Variants in FMN1 observed in about 807,000 individuals in gnomAD.
FMN1 encodes the protein formin-1.
FMN1 carries 110 observed loss-of-function variants against 132.4 expected under a neutral mutation model. The ratio of observed to expected loss-of-function variants is 0.83; its 90% CI spans 0.71 to 0.97. FMN1 has a LOEUF of 0.97. Ranked by LOEUF, FMN1 falls within the 50% of genes least tolerant of loss-of-function variation. The pLI, the probability that FMN1 is intolerant of heterozygous loss-of-function variation, is 0.00. For synonymous variants in FMN1, 722 were observed against 651.7 expected (o/e 1.11, Z -1.64); for missense variants, 1,792 against 1,705.3 (o/e 1.05, Z -0.90).
chr15:32,993,712 T>C (rs559015210), intron 7 of FMN1, among the ~76,000 whole-genome samples: 12 of 152,286 alleles, frequency 7.9e-5, no homozygotes, highest in Non-Finnish European at 1.2e-4. Flanking sequence ...ACAGTTTTCA[T>C]GGTTCCAGTT....
At chr15:32,961,653 A>G (rs897695824) in intron 9 of FMN1, among the ~76,000 whole-genome samples, 13 of 152,210 alleles carry the variant, frequency 8.5e-5, no homozygotes, top group African/African-American at 3.1e-4. Flanking sequence ...AGCAGCTGTC[A>G]TATGTTGAGC....
intron 6 of FMN1, among the ~76,000 whole-genome samples, chr15:33,030,184 C>T (rs890102893): frequency 6.6e-6 from 1 of 152,000 alleles, no homozygotes. Flanking sequence ...AAAACTAAAA[C>T]TGTGTTAAGT....
intron 9 of FMN1, among the ~76,000 whole-genome samples, chr15:32,943,688 A>G (rs1250217482): frequency 6.6e-6 from 1 of 152,204 alleles, no homozygotes; most frequent in Non-Finnish European, 1.5e-5. Flanking sequence ...TTTAGTTTGA[A>G]TACCTCCAAA....
At chr15:32,850,380 G>T (rs1596081389) in intron 17 of FMN1, among the ~76,000 whole-genome samples, 1 of 151,912 alleles carries the variant, frequency 6.6e-6, no homozygotes, top group East Asian at 1.9e-4. Context: ...TCTGACCAAA[G>T]TATTTACTAA....
At chr15:33,043,891 G>C (rs929883274) in intron 6 of FMN1, among the ~76,000 whole-genome samples, 1 of 152,326 alleles carries the variant, frequency 6.6e-6, no homozygotes, top group Non-Finnish European at 1.5e-5. Flanking sequence ...CCGCCCTCCT[G>C]GGTGCAGCTG....
chr15:32,949,980 CACACACATATATATACACAT>C (rs2061599469), intron 9 of FMN1, among the ~76,000 whole-genome samples: 2 of 8,130 alleles, frequency 2.5e-4, no homozygotes, highest in African/African-American at 4.1e-4. Context: ...CATATATATA[CACACACATATATATACACAT>C]ACACATATAT....
intron 17 of FMN1, among the ~76,000 whole-genome samples, chr15:32,837,562 G>T (rs1421287612): frequency 6.6e-6 from 1 of 152,198 alleles, no homozygotes; most frequent in Non-Finnish European, 1.5e-5. Context: ...AGATTGGGAA[G>T]ATGAAGAACC....
intron 5 of FMN1, among the ~76,000 whole-genome samples, chr15:33,070,377 G>C (rs115613652): frequency 0.014 from 1,876 of 133,266 alleles, 51 homozygotes; most frequent in African/African-American, 0.048. Context: ...GAGAGGGCAC[G>C]TATTTGGTCT....
intron 4 of FMN1, among the ~76,000 whole-genome samples, chr15:33,092,636 AC>A (rs1042554200): frequency 2.6e-5 from 4 of 152,148 alleles, no homozygotes; most frequent in African/African-American, 4.8e-5. Context: ...GCTCAGTCAA[AC>A]CCAGGCCCAA....
At chr15:33,031,276 T>A (rs1460942768) in intron 6 of FMN1, among the ~76,000 whole-genome samples, 1 of 152,132 alleles carries the variant, frequency 6.6e-6, no homozygotes, top group East Asian at 1.9e-4. Flanking sequence ...AAAACCATCA[T>A]GATACACAAG....
intron 6 of FMN1, among the ~76,000 whole-genome samples, chr15:33,016,125 AAATTAAAT>A (rs1317545789): frequency 2.0e-5 from 3 of 149,556 alleles, no homozygotes; most frequent in Admixed American, 1.3e-4. Flanking sequence ...TTAAAATAAC[AAATTAAAT>A]AATAGTAAAA....
chr15:32,935,713 TG>T (rs1342367608), intron 9 of FMN1, among the ~76,000 whole-genome samples: 1 of 152,078 alleles, frequency 6.6e-6, no homozygotes, highest in Non-Finnish European at 1.5e-5. Context: ...CTGTAACCTC[TG>T]CCTCCCAGAT....
rs572497977 is a variant in FMN1, at chr15:32,955,360, C to A, written c.3138+8747G>T. ...TGGGAGATGTGTGTATTTTGCAAAG[C>A]ACTTACAAGTTCACCTTCAAAAGCA... On this transcript the variant is annotated intron_variant, in intron 9 of 20. Coordinates refer to ENST00000616417, the MANE Select transcript of FMN1 (RefSeq NM_001277313.2). 5.3e-5 allele frequency among the ~76,000 whole-genome samples: 8 copies of A among 152,308 alleles called. No individual in the cohort carries two copies. The East Asian group carries it at 1.5e-3, about 29-fold the overall frequency.
chr15:33,161,847 G>A (rs901827403), intron 3 of FMN1, among the ~76,000 whole-genome samples: 4 of 151,844 alleles, frequency 2.6e-5, no homozygotes. Context: ...GAACCCGGGA[G>A]GTGGAGCTTG....
intron 15 of FMN1, among the ~76,000 whole-genome samples, chr15:32,897,510 A>G (rs1260117190): frequency 6.6e-6 from 1 of 152,250 alleles, no homozygotes; most frequent in Non-Finnish European, 1.5e-5. Context: ...GAACATCAGA[A>G]GTAAAAACAC....
chr15:33,150,015 T>C (rs1595569170), intron 4 of FMN1: 3 of 985,414 alleles, frequency 3.0e-6, no homozygotes, highest in Non-Finnish European at 2.4e-6. Flanking sequence ...TTCTCAGTTC[T>C]CAATATCAGG....
At chr15:33,122,928 G>C (rs945860105) in intron 4 of FMN1, among the ~76,000 whole-genome samples, 1 of 152,086 alleles carries the variant, frequency 6.6e-6, no homozygotes, top group Admixed American at 6.5e-5. Context: ...GCCAGGCAGT[G>C]AGCTAAATGC....
At chr15:32,879,523 A>G (rs1347709096) in intron 16 of FMN1, among the ~76,000 whole-genome samples, 2 of 152,188 alleles carry the variant, frequency 1.3e-5, no homozygotes, top group African/African-American at 2.4e-5. Context: ...ACCAGCATCC[A>G]TTGAGTAAAG....
intron 5 of FMN1, among the ~76,000 whole-genome samples, chr15:33,065,923 T>TATTTTCCTC: frequency 6.6e-6 from 1 of 152,334 alleles, no homozygotes; most frequent in African/African-American, 2.4e-5. Context: ...ATAACCATTT[T>TATTTTCCTC]ATTTTCCTCA....
Sources: gnomAD v4.1 joint callset for allele counts (sites outside exome capture counted in the v4.1 genomes callset) on GRCh38, gnomAD v4.1.1 for gene constraint, MANE v1.5 for transcripts, NCBI Gene and HGNC (gene_info 2026-07-23, HGNC 2026-07-21) for gene names.